Variants in IMMP2L observed in about 807,000 individuals in gnomAD.
IMMP2L encodes the protein inner mitochondrial membrane peptidase subunit 2, also known as mitochondrial inner membrane protease subunit 2.
Under a neutral mutation model 19.3 loss-of-function variants are expected in IMMP2L, and 18 were observed. The ratio of observed to expected loss-of-function variants is 0.93; its 90% CI spans 0.64 to 1.38. The LOEUF (loss-of-function observed/expected upper bound fraction) is 1.38, where lower values mean the gene tolerates loss of function less well. IMMP2L is among the 40% of genes most tolerant of loss of function. IMMP2L has a pLI of 0.00. For synonymous variants in IMMP2L, 76 were observed against 73.0 expected (o/e 1.04, Z -0.21); for missense variants, 233 against 218.2 (o/e 1.07, Z -0.43).
At chr7:111,464,607 C>G (rs374371390) in intron 3 of IMMP2L, among the ~76,000 whole-genome samples, 2 of 152,084 alleles carry the variant, frequency 1.3e-5, no homozygotes, top group African/African-American at 2.4e-5. Context: ...AGAACAATAC[C>G]TGGCTTGTAG....
chr7:110,784,915 A>G (rs1799968309), intron 5 of IMMP2L, among the ~76,000 whole-genome samples: 1 of 151,920 alleles, frequency 6.6e-6, no homozygotes, highest in Non-Finnish European at 1.5e-5. Context: ...ACTGACATAA[A>G]ATTTAAAATT....
intron 3 of IMMP2L, among the ~76,000 whole-genome samples, chr7:111,357,149 T>A (rs1338838782): frequency 6.6e-6 from 1 of 152,214 alleles, no homozygotes; most frequent in African/African-American, 2.4e-5. Context: ...GGACACAGAC[T>A]GGCCCACTGT....
chr7:110,805,964 T>G (rs1801603464), intron 5 of IMMP2L, among the ~76,000 whole-genome samples: 1 of 151,782 alleles, frequency 6.6e-6, no homozygotes, highest in Non-Finnish European at 1.5e-5. Flanking sequence ...CAGTGAAGAG[T>G]TAACTCCTCT....
intron 3 of IMMP2L, among the ~76,000 whole-genome samples, chr7:111,236,232 T>C (rs535791692): frequency 3.3e-5 from 5 of 152,246 alleles, no homozygotes; most frequent in Non-Finnish European, 7.4e-5. Flanking sequence ...TTTACTAGCT[T>C]CCAAACATGA....
Position 111,364,136 on chromosome 7 carries a change from C to A in IMMP2L, c.239+123102G>T, listed in dbSNP as rs573017565. 1.1e-4 allele frequency among the ~76,000 whole-genome samples: 17 copies of A among 152,056 alleles called. No individual in the cohort carries two copies. The South Asian group carries it at 3.1e-3, about 28-fold the overall frequency. ...CTCTGTTTCTCTATATAGACAGTAA[C>A]CTCTTCTAAGGACTAACAAAATTAA... On this transcript the variant is annotated intron_variant, in intron 3 of 5. Transcript: ENST00000405709.
At chr7:111,339,513 C>T (rs976611745) in intron 3 of IMMP2L, among the ~76,000 whole-genome samples, 10 of 151,836 alleles carry the variant, frequency 6.6e-5, no homozygotes, top group African/African-American at 1.2e-4. Context: ...AGCCCTACAC[C>T]GCATTTTACA....
chr7:110,983,584 C>T (rs1468951565), intron 3 of IMMP2L, among the ~76,000 whole-genome samples: 1 of 151,994 alleles, frequency 6.6e-6, no homozygotes, highest in Non-Finnish European at 1.5e-5. Context: ...TTCCTACATG[C>T]CTACATGATA....
intron 5 of IMMP2L, among the ~76,000 whole-genome samples, chr7:110,730,900 C>T (rs7788202): frequency 0.19 from 28,550 of 152,120 alleles, 5,449 homozygotes; most frequent in African/African-American, 0.49. Context: ...TGAGTCAATA[C>T]TCCTTAATAA....
intron 3 of IMMP2L, among the ~76,000 whole-genome samples, chr7:111,388,057 C>T (rs1422844492): frequency 6.7e-6 from 1 of 150,334 alleles, no homozygotes; most frequent in East Asian, 1.9e-4. Context: ...ATAACCCATA[C>T]CAAATGCTAC....
intron 3 of IMMP2L, among the ~76,000 whole-genome samples, chr7:111,398,419 A>G (rs1236785154): frequency 6.6e-6 from 1 of 152,170 alleles, no homozygotes; most frequent in Non-Finnish European, 1.5e-5. Flanking sequence ...GACAAAATCC[A>G]GCATCCGTTT....
intron 5 of IMMP2L, among the ~76,000 whole-genome samples, chr7:110,874,736 C>T (rs1052629533): frequency 2.6e-5 from 4 of 152,110 alleles, no homozygotes; most frequent in African/African-American, 9.6e-5. Context: ...CAGTGTAATA[C>T]TGTCTTAGTC....
intron 3 of IMMP2L, among the ~76,000 whole-genome samples, chr7:111,346,341 A>C (rs1380194301): frequency 6.6e-6 from 1 of 152,144 alleles, no homozygotes; most frequent in African/African-American, 2.4e-5. Flanking sequence ...ATTTCAGGAG[A>C]GACCTAAGCA....
intron 5 of IMMP2L, among the ~76,000 whole-genome samples, chr7:110,844,384 G>A (rs1338140497): frequency 1.3e-5 from 2 of 152,034 alleles, no homozygotes; most frequent in Non-Finnish European, 2.9e-5. Context: ...AAGGACATAA[G>A]AGAGAAAATG....
intron 3 of IMMP2L, among the ~76,000 whole-genome samples, chr7:111,400,395 A>G (rs899946761): frequency 2.0e-5 from 3 of 152,116 alleles, no homozygotes; most frequent in South Asian, 2.1e-4. Flanking sequence ...AGATTTTTCA[A>G]TCTCAAAATT....
intron 5 of IMMP2L, among the ~76,000 whole-genome samples, chr7:110,673,706 C>T (rs1792084842): frequency 6.6e-6 from 1 of 152,148 alleles, no homozygotes; most frequent in Admixed American, 6.5e-5. Flanking sequence ...TAACAAAAGT[C>T]ATCTTTGCTC....
chr7:111,013,149 G>A lies in IMMP2L; in HGVS notation c.240-49584C>T, dbSNP rs919266192. On this transcript the variant is annotated intron_variant, in intron 3 of 5. Coordinates refer to ENST00000405709, the MANE Select transcript of IMMP2L (RefSeq NM_032549.4). ...ATTATATAAGGGAAAAGTACCTAAG[G>A]ACAGATGAGGCTGTTGTGGTAAACA... 2.0e-5 allele frequency among the ~76,000 whole-genome samples: 3 copies of A among 152,178 alleles called. No individual in the cohort carries two copies. The East Asian group carries it at 5.8e-4, about 29-fold the overall frequency.
chr7:111,256,951 T>A (rs919538884), intron 3 of IMMP2L, among the ~76,000 whole-genome samples: 1 of 152,064 alleles, frequency 6.6e-6, no homozygotes, highest in Non-Finnish European at 1.5e-5. Flanking sequence ...GATGAGTCCA[T>A]CATTTTTCTA....
At chr7:110,666,726 A>G (rs1012491711) in intron 5 of IMMP2L, among the ~76,000 whole-genome samples, 1 of 152,144 alleles carries the variant, frequency 6.6e-6, no homozygotes, top group Non-Finnish European at 1.5e-5. Context: ...CTTCTTCCAC[A>G]GTGATTACCC....
intron 3 of IMMP2L, among the ~76,000 whole-genome samples, chr7:111,020,001 T>C (rs1049277458): frequency 6.6e-6 from 1 of 151,894 alleles, no homozygotes; most frequent in African/African-American, 2.4e-5. Flanking sequence ...ATGTCACTTG[T>C]ATAGTATATT....
Sources: allele counts gnomAD v4.1 joint callset (sites outside exome capture counted in the v4.1 genomes callset), GRCh38; gene constraint gnomAD v4.1.1; transcripts MANE v1.5; gene names NCBI Gene and HGNC (gene_info 2026-07-23, HGNC 2026-07-21).